Variants in LHPP observed in about 807,000 individuals in gnomAD.
LHPP encodes the protein hLHPP.
Under a neutral mutation model 30.3 loss-of-function variants are expected in LHPP, and 24 were observed. That is an observed-to-expected ratio of 0.79 (90% CI 0.57 to 1.11). LHPP has a LOEUF of 1.11. Among genes scored for constraint, LHPP ranks in the 50% most tolerant of loss-of-function variants. The pLI, the probability that LHPP is intolerant of heterozygous loss-of-function variation, is 0.00. For missense variants in LHPP, 356 were observed against 367.2 expected (o/e 0.97, Z 0.25); for synonymous variants, 150 against 157.1 (o/e 0.95, Z 0.34).
At chr10:124,601,382 C>T (rs952780443) in intron 6 of LHPP, among the ~76,000 whole-genome samples, 2 of 152,196 alleles carry the variant, frequency 1.3e-5, no homozygotes, top group East Asian at 3.9e-4. Flanking sequence ...GTTCTATGTG[C>T]GCTTGACCGG....
At chr10:124,558,018 T>C (rs1003238771) in intron 6 of LHPP, among the ~76,000 whole-genome samples, 3 of 152,184 alleles carry the variant, frequency 2.0e-5, no homozygotes, top group Non-Finnish European at 4.4e-5. Context: ...TGTCCTCTTG[T>C]ATCTGCTTCA....
At chr10:124,599,946 G>A (rs1384488483) in intron 6 of LHPP, among the ~76,000 whole-genome samples, 2 of 152,248 alleles carry the variant, frequency 1.3e-5, no homozygotes, top group Non-Finnish European at 2.9e-5. Flanking sequence ...TATTTTGGGG[G>A]TAGGATAGGT....
chr10:124,525,063 C>T (rs547293027), intron 6 of LHPP, among the ~76,000 whole-genome samples: 5 of 152,332 alleles, frequency 3.3e-5, no homozygotes, highest in South Asian at 2.1e-4. Flanking sequence ...ACAGTGGCCG[C>T]GGTGACTGGG....
Position 124,463,820 on chromosome 10 carries a change from CTTT to C in LHPP, c.125+1850_125+1852del, listed in dbSNP as rs35122241. Among the ~76,000 whole-genome samples, 710 of 120,764 alleles carry C rather than the reference CTTT, an allele frequency of 5.9e-3. 11 individuals carry two copies. Among genetic ancestry groups the C allele is most frequent in the Admixed American group, 0.046 (524 of 11,324 alleles). 79.2% of individuals were successfully genotyped at this position (120,764 alleles called of 152,430 possible). A position where few individuals can be genotyped will look rare whatever the true frequency, so the allele number is the denominator to read the frequency against. ...ACCACACCTGGCCTAATTTTTTTTT[CTTT>C]TTTTTTTTTTTTTTTTGAGACAAGG... On this transcript the variant is annotated intron_variant, in intron 1 of 6. Coordinates refer to ENST00000368842, the MANE Select transcript of LHPP (RefSeq NM_022126.4).
chr10:124,554,492 G>A (rs1056870924), intron 6 of LHPP, among the ~76,000 whole-genome samples: 1 of 152,238 alleles, frequency 6.6e-6, no homozygotes, highest in African/African-American at 2.4e-5. Context: ...CACTACACCC[G>A]GCCTGGACTC....
At chr10:124,535,588 G>A (rs1050707531) in intron 6 of LHPP, among the ~76,000 whole-genome samples, 1 of 100,366 alleles carries the variant, frequency 1.0e-5, no homozygotes, top group African/African-American at 3.5e-5. Context: ...TTTTTTTTTT[G>A]TAGAGACAAA....
At chr10:124,504,787 C>A (rs182013655) in intron 5 of LHPP, among the ~76,000 whole-genome samples, 32 of 152,214 alleles carry the variant, frequency 2.1e-4, no homozygotes, top group Non-Finnish European at 4.1e-4. Context: ...TTTTCACAGT[C>A]AGCTTCCTTC....
At chr10:124,566,011 C>T (rs976938084) in intron 6 of LHPP, among the ~76,000 whole-genome samples, 7 of 152,248 alleles carry the variant, frequency 4.6e-5, no homozygotes, top group Admixed American at 2.0e-4. Flanking sequence ...CTGGAGCCGT[C>T]GCCGTACCCC....
At chr10:124,524,274 C>T in intron 6 of LHPP, among the ~76,000 whole-genome samples, 1 of 143,838 alleles carries the variant, frequency 7.0e-6, no homozygotes. Flanking sequence ...CTTTTGTTTT[C>T]ATTTTTTTTT....
chr10:124,611,431 AG>A (rs1949196421), intron 6 of LHPP, among the ~76,000 whole-genome samples: 3 of 88,670 alleles, frequency 3.4e-5, no homozygotes, highest in East Asian at 1.2e-3. Context: ...GAGGCTCGTG[AG>A]TGCTGTGCTC....
At chr10:124,476,532 G>C (rs1200358635) in intron 1 of LHPP, among the ~76,000 whole-genome samples, 3 of 152,110 alleles carry the variant, frequency 2.0e-5, no homozygotes, top group African/African-American at 7.2e-5. Flanking sequence ...TGGTGCGCGC[G>C]CCAGGGTGGG....
intron 6 of LHPP, among the ~76,000 whole-genome samples, chr10:124,567,151 T>C (rs1291761886): frequency 6.6e-6 from 1 of 152,210 alleles, no homozygotes; most frequent in Non-Finnish European, 1.5e-5. Context: ...AGCCCCATCC[T>C]TGGGATGCCC....
chr10:124,535,031 C>A (rs963524217), intron 6 of LHPP, among the ~76,000 whole-genome samples: 1 of 152,184 alleles, frequency 6.6e-6, no homozygotes, highest in Non-Finnish European at 1.5e-5. Context: ...AGGGGTGAAA[C>A]CTCTCTCGAT....
At chr10:124,584,003 T>C (rs1173475532) in intron 6 of LHPP, among the ~76,000 whole-genome samples, 1 of 152,232 alleles carries the variant, frequency 6.6e-6, no homozygotes. Context: ...CTGGGTCCTT[T>C]ATAATTCCAT....
At chr10:124,586,480 C>T (rs2885518) in intron 6 of LHPP, among the ~76,000 whole-genome samples, 23,200 of 152,162 alleles carry the variant, frequency 0.15, 2,044 homozygotes, top group Non-Finnish European at 0.2. Flanking sequence ...CCCTGAAGGA[C>T]CTCCCAGATT....
Position 124,593,603 on chromosome 10 carries a change from C to T in LHPP, c.717-19661C>T, listed in dbSNP as rs562915251. ...ACATGAGGTCTTCCCCAAGTGGCCC[C>T]GAGTGAGGCACCACCATGGACCTGA... On this transcript the variant is annotated intron_variant, in intron 6 of 6. Coordinates refer to ENST00000368842, the MANE Select transcript of LHPP (RefSeq NM_022126.4). The surrounding 1 kb of genome is among the most constrained non-coding windows in gnomAD (Gnocchi z 4.9). 1.3e-5 allele frequency among the ~76,000 whole-genome samples: 2 copies of T among 152,332 alleles called. No individual in the cohort carries two copies. The highest frequency in any genetic ancestry group is 2.1e-4 in the South Asian group (1 of 4,830).
intron 6 of LHPP, among the ~76,000 whole-genome samples, chr10:124,606,747 G>A (rs1949099083): frequency 6.6e-6 from 1 of 152,206 alleles, no homozygotes; most frequent in Non-Finnish European, 1.5e-5. Context: ...GGGAGGAGCA[G>A]CGCTGTGACC....
At chr10:124,498,264 G>A in intron 5 of LHPP, 136 bp downstream of exon 5, 1 of 1,541,684 alleles carries the variant, frequency 6.5e-7, no homozygotes, top group Non-Finnish European at 8.9e-7. Flanking sequence ...TGTGAAAGCT[G>A]ACCTGGCTGG....
In LHPP at chr10:124,461,842, T is replaced by G; in HGVS notation, c.-21T>G. ...GCCGGCGTCGGTTGGGACGCGGAGC[T>G]GAGGAGCAGGGCCGGGCGCCATGGC... is the stretch of plus-strand genomic sequence containing the variant. On this transcript the variant is annotated 5_prime_UTR_variant, in exon 1 of 7. Transcript: ENST00000368842. The G allele has an allele frequency of 8.1e-7, 1 of 1,234,476 alleles. No homozygotes were observed. Among genetic ancestry groups the G allele is most frequent in the African/African-American group, 1.6e-5 (1 of 64,434 alleles). 76.5% of individuals were successfully genotyped at this position (1,234,476 alleles called of 1,614,324 possible).
Sources: gnomAD v4.1 joint callset for allele counts (sites outside exome capture counted in the v4.1 genomes callset) on GRCh38, gnomAD v4.1.1 for gene constraint, Gnocchi (gnomAD v3.1) non-coding constraint, MANE v1.5 for transcripts, NCBI Gene and HGNC (gene_info 2026-07-23, HGNC 2026-07-21) for gene names.